The following ATP1A4 variants were observed in gnomAD, a reference collection of about 807,000 sequenced individuals.
ATP1A4 encodes the protein ATPase Na+/K+ transporting subunit alpha 4, also known as sodium/potassium-transporting ATPase subunit alpha-4.
In ATP1A4, 90 loss-of-function variants were observed where a neutral mutation model predicts 114.3. The ratio of observed to expected loss-of-function variants is 0.79; its 90% CI spans 0.66 to 0.94. ATP1A4 has a LOEUF of 0.94. Among genes scored for constraint, ATP1A4 ranks in the 40% least tolerant of loss-of-function variants. The pLI is 0.00. For synonymous variants in ATP1A4, 511 were observed against 494.1 expected, an observed-to-expected ratio of 1.03 and a Z score of -0.45; for missense variants, 1,222 against 1,313.6, an observed-to-expected ratio of 0.93 and a Z score of 1.08.
Position 160,155,008 on chromosome 1 carries a change from A to G in ATP1A4, c.208-37A>G, listed in dbSNP as rs374727569. ...TTTTGCTATGGCTGTTCCTCTTTTC[A>G]CAGCTCTCTATCCAACCCTATTTCT... is the stretch of plus-strand genomic sequence containing the variant. On this transcript the variant is annotated intron_variant, in intron 2 of 21. Coordinates refer to ENST00000368081, the MANE Select transcript of ATP1A4 (RefSeq NM_144699.4). 6.9e-6 allele frequency: 11 copies of G among 1,596,948 alleles called. No homozygotes were observed. In the African/African-American group the frequency reaches 1.3e-4, roughly 20 times the overall value.
At position 160,151,729 on chromosome 1, in the gene ATP1A4, T is replaced by C. The variant is rs963356660; in HGVS notation, c.-312T>C. On this transcript the variant is annotated 5_prime_UTR_variant, in exon 1 of 22. Transcript: ENST00000368081. ...CCTCTTGTTTCCTGCCCTCACTGCA[T>C]TCCCTCACCTCTACCTTTTTATCCT... 3.9e-6 allele frequency: 1 copy of C among 253,666 alleles called. No homozygotes were observed. Among genetic ancestry groups the C allele is most frequent in the Non-Finnish European group, 7.6e-6 (1 of 130,876 alleles). 15.7% of individuals were successfully genotyped at this position (253,666 alleles called of 1,614,324 possible).
intron 17 of ATP1A4, 168 bp from the exon 18 acceptor site, chr1:160,177,351 G>T: frequency 3.3e-6 from 2 of 599,092 alleles, no homozygotes; most frequent in Non-Finnish European, 5.8e-6. Context: ...CCACAGAGAT[G>T]AGAGATAACA....
chr1:160,167,056 G>A lies in ATP1A4; in HGVS notation c.1335G>A (p.Gln445=), dbSNP rs377473344. 25 of 1,614,002 alleles carry A rather than the reference G, an allele frequency of 1.5e-5. No individual in the cohort carries two copies. The highest frequency in any genetic ancestry group is 2.2e-5 in the South Asian group (2 of 91,082). ...LCNRADFKAN[Q]EILPIAKRAT... is the part of the protein sequence containing the mutation. ...ACCGGGCTGACTTTAAGGCTAATCAGGAGATCCTGCCCATTGCTAAGGTGT... is the reference window on the plus strand; with the variant it reads ...ACCGGGCTGACTTTAAGGCTAATCAAGAGATCCTGCCCATTGCTAAGGTGT... The change falls in exon 9 of 22, where the codon CAG becomes CAA. Residue 445 remains glutamine, a synonymous_variant. Coordinates refer to ENST00000368081, the MANE Select transcript of ATP1A4 (RefSeq NM_144699.4).
chr1:160,178,858 C>T (rs1653581237), intron 18 of ATP1A4, among the ~76,000 whole-genome samples: 2 of 152,162 alleles, frequency 1.3e-5, no homozygotes, highest in African/African-American at 4.8e-5. Flanking sequence ...AGTAGGTATG[C>T]TTTTTTGGTA....
At chr1:160,179,701 T>TTCTG (rs1465738934) in intron 18 of ATP1A4, among the ~76,000 whole-genome samples, 1 of 152,242 alleles carries the variant, frequency 6.6e-6, no homozygotes, top group Admixed American at 6.5e-5. Flanking sequence ...GCATCTTCTA[T>TTCTG]GTACCAGGTA....
At position 160,181,951 on chromosome 1, in the gene ATP1A4, G is replaced by A. The variant is rs759682927; in HGVS notation, c.2889G>A (p.Gly963=). 1 of 1,614,048 alleles carries A rather than the reference G, an allele frequency of 6.2e-7. No homozygotes were observed. ...QGMRNKVLIF[G]ILEETLLAAF... is the part of the protein sequence containing the mutation. ...CCAGAAACAAAGTCTTAATATTTGGGATCCTGGAGGAGACACTCTTGGCTG... is the reference window on the plus strand; with the variant it reads ...CCAGAAACAAAGTCTTAATATTTGGAATCCTGGAGGAGACACTCTTGGCTG... Residue 963 remains glycine (G), a synonymous_variant, in exon 20 of 22, where the codon GGG becomes GGA. Transcript: ENST00000368081.
chr1:160,164,073 G>A (rs1027546947), intron 6 of ATP1A4, 83 bp from the exon 7 acceptor site: 64 of 1,523,236 alleles, frequency 4.2e-5, no homozygotes, highest in Non-Finnish European at 4.0e-5. Context: ...GAAGCTCTAT[G>A]TCAGGAAGTG....
chr1:160,176,026 C>A, intron 15 of ATP1A4, 66 bp from the exon 16 acceptor site: 2 of 1,557,086 alleles, frequency 1.3e-6, no homozygotes, highest in Non-Finnish European at 8.8e-7. Context: ...CTGTCTGTCC[C>A]GGAGCTGGTT....
In ATP1A4 at chr1:160,166,744, T is replaced by G; in HGVS notation, c.1246+18T>G. ...ACAGACTGGTGACTAGTGGTATTGG[T>G]GGAACAAGAGTGGAGGGATTTGGGG... is the stretch of plus-strand genomic sequence containing the variant. On this transcript the variant is annotated intron_variant, in intron 8 of 21. Coordinates refer to ENST00000368081, the MANE Select transcript of ATP1A4 (RefSeq NM_144699.4). The G allele has an allele frequency of 1.2e-6, 2 of 1,613,826 alleles. No homozygotes were observed. Among genetic ancestry groups the G allele is most frequent in the Non-Finnish European group, 1.7e-6 (2 of 1,179,904 alleles).
In ATP1A4 at chr1:160,152,187, G is replaced by A. The variant is rs776546098; in HGVS notation, c.147G>A (p.Met49Ile). ...NMEELKKEVVMDDHKLTLEEL... is the reference protein window; with the variant it reads ...NMEELKKEVVIDDHKLTLEEL... ...AGGAACTGAAGAAGGAAGTGGTCAT[G>A]GTGAGGCCACCCAAAGTGGGCGCTG... Residue 49 changes from methionine to isoleucine, a missense_variant and splice_region_variant, in exon 1 of 22, where the codon ATG (methionine) becomes ATA (isoleucine). By Grantham distance (10) the Met-to-Ile change is conservative. Transcript: ENST00000368081. The A allele has an allele frequency of 1.2e-6, 2 of 1,612,956 alleles. No individual in the cohort carries two copies. The highest frequency in any genetic ancestry group is 1.7e-6 in the Non-Finnish European group (2 of 1,179,748).
chr1:160,152,676 T>C (rs540162939), intron 1 of ATP1A4, among the ~76,000 whole-genome samples: 1 of 152,310 alleles, frequency 6.6e-6, no homozygotes, highest in Admixed American at 6.5e-5. Flanking sequence ...GGTCAGGTGG[T>C]TAGGCAGGCT....
rs1413430516 is a variant in ATP1A4 at position 160,169,811 on chromosome 1, T to G, written c.1492-1440T>G. On this transcript the variant is annotated intron_variant, in intron 10 of 21. Coordinates refer to ENST00000368081, the MANE Select transcript of ATP1A4 (RefSeq NM_144699.4). ...GGGTTGTCCCCTCGGGTTCATTTCA[T>G]GAATGTGCCCTTTCCCTCCCCCACC... is the stretch of plus-strand genomic sequence containing the variant. 3 of 152,234 alleles carry G rather than the reference T, an allele frequency of 2.0e-5. No homozygotes were observed. In the East Asian group the frequency reaches 5.8e-4, roughly 29 times the overall value. The allele number at this position is 152,234 out of a possible 1,614,324, so 9.4% of individuals were successfully genotyped here. A position where few individuals can be genotyped will look rare whatever the true frequency, so the allele number is the denominator to read the frequency against.
chr1:160,154,962 G>T (rs1652586295), intron 2 of ATP1A4, 83 bp from the exon 3 acceptor site: 5 of 1,321,258 alleles, frequency 3.8e-6, no homozygotes, highest in Non-Finnish European at 5.4e-6. Context: ...CCCATTCTGG[G>T]GCTCCAAATG....
chr1:160,151,775 T>G lies in ATP1A4; in HGVS notation c.-266T>G. On this transcript the variant is annotated 5_prime_UTR_variant, in exon 1 of 22. Transcript: ENST00000368081. ...ATCCTTCCACCCTAGGCTTCTCTCC[T>G]CCCTCTTCCCTCACTCCTGACTCTT... is the stretch of plus-strand genomic sequence containing the variant. 1 of 392,812 alleles carries G rather than the reference T, an allele frequency of 2.5e-6. No individual in the cohort carries two copies. Among genetic ancestry groups the G allele is most frequent in the Non-Finnish European group, 4.6e-6 (1 of 216,336 alleles). The allele number at this position is 392,812 out of a possible 1,614,324, so 24.3% of individuals were successfully genotyped here. A position where few individuals can be genotyped will look rare whatever the true frequency, so the allele number is the denominator to read the frequency against.
chr1:160,180,170 G>A (rs796471962), intron 18 of ATP1A4, among the ~76,000 whole-genome samples: 2 of 152,164 alleles, frequency 1.3e-5, no homozygotes, highest in Admixed American at 6.5e-5. Flanking sequence ...AGGGAGTGAC[G>A]CGGGTAACGG....
chr1:160,172,203 AC>A (rs1653288911), intron 12 of ATP1A4, among the ~76,000 whole-genome samples: 1 of 152,184 alleles, frequency 6.6e-6, no homozygotes, highest in South Asian at 2.1e-4. Context: ...TGCATTTTTA[AC>A]GAGCTCCCAG....
Position 160,181,737 on chromosome 1 carries a change from C to T in ATP1A4, c.2790C>T (p.Val930=), listed in dbSNP as rs1354893727. 2 of 1,613,992 alleles carry T rather than the reference C, an allele frequency of 1.2e-6. No individual in the cohort carries two copies. The highest frequency in any genetic ancestry group is 4.5e-5 in the East Asian group (2 of 44,876). The change falls in exon 19 of 22, where the codon GTC becomes GTT. Residue 930 remains valine (V), a synonymous_variant. Coordinates refer to ENST00000368081, the MANE Select transcript of ATP1A4 (RefSeq NM_144699.4). ...TCACATGCCAAACGGCCTTTTTTGTCACCATCGTGGTTGTGCAGTGGGCGG... is the reference window on the plus strand; with the variant it reads ...TCACATGCCAAACGGCCTTTTTTGTTACCATCGTGGTTGTGCAGTGGGCGG... ...VEFTCQTAFF[V]TIVVVQWADL...
chr1:160,182,240 A>G (rs568527233), intron 20 of ATP1A4, among the ~76,000 whole-genome samples: 1 of 152,188 alleles, frequency 6.6e-6, no homozygotes, highest in Admixed American at 6.5e-5. Context: ...AATGATCACA[A>G]CCCACTAGAC....
intron 12 of ATP1A4, among the ~76,000 whole-genome samples, 153 bp downstream of exon 12, chr1:160,171,910 C>G (rs1653279426): frequency 6.6e-6 from 1 of 152,144 alleles, no homozygotes; most frequent in South Asian, 2.1e-4. Context: ...TAGTAAGTTT[C>G]CTCTCCAGTT....
Sources: allele counts gnomAD v4.1 joint callset (sites outside exome capture counted in the v4.1 genomes callset), GRCh38; gene constraint gnomAD v4.1.1; transcripts MANE v1.5; gene names NCBI Gene and HGNC (gene_info 2026-07-23, HGNC 2026-07-21).